Variants in MRTFA observed in about 807,000 individuals in gnomAD.
MRTFA encodes myocardin-related transcription factor A.
MRTFA carries 20 observed loss-of-function variants against 83.5 expected under a neutral mutation model. The observed-to-expected ratio is 0.24, with a 90% CI of 0.17 to 0.35. The LOEUF is 0.35. MRTFA is among the 10% of genes least tolerant of loss of function. The pLI, the probability that MRTFA is intolerant of heterozygous loss-of-function variation, is 1.00. For missense variants in MRTFA, 1,200 were observed against 1,224.7 expected, an observed-to-expected ratio of 0.98 and a Z score of 0.30; for synonymous variants, 659 against 541.2, an observed-to-expected ratio of 1.22 and a Z score of -3.02.
At chr22:40,579,838 C>A in intron 2 of MRTFA, among the ~76,000 whole-genome samples, 1 of 140,364 alleles carries the variant, frequency 7.1e-6, no homozygotes. Flanking sequence ...CCAGCCTGGG[C>A]AACAAGAGCG....
Position 40,410,729 on chromosome 22 carries a change from C to CCCTT in MRTFA, c.*657_*660dup. On this transcript the variant is annotated 3_prime_UTR_variant, in exon 15 of 15. Transcript: ENST00000355630. ...GCTCAAGGGTAACCTTGCATCCAGG[C>CCCTT]CCTTCTGTGAGAGTAGGATGGGAGG... 1 of 233,290 alleles carries CCCTT rather than the reference C, an allele frequency of 4.3e-6. No individual in the cohort carries two copies. The highest frequency in any genetic ancestry group is 8.5e-6 in the Non-Finnish European group (1 of 117,986). 14.5% of individuals were successfully genotyped at this position (233,290 alleles called of 1,614,324 possible).
At chr22:40,555,221 A>C (rs950987077) in intron 2 of MRTFA, among the ~76,000 whole-genome samples, 1 of 152,232 alleles carries the variant, frequency 6.6e-6, no homozygotes, top group Non-Finnish European at 1.5e-5. Flanking sequence ...AAATGTAAGA[A>C]GGACATGAGA....
intron 3 of MRTFA, among the ~76,000 whole-genome samples, chr22:40,492,265 C>T (rs887582966): frequency 6.6e-6 from 1 of 152,174 alleles, no homozygotes; most frequent in African/African-American, 2.4e-5. Context: ...TTCTACAGTG[C>T]AAAGGGTTGC....
intron 1 of MRTFA, among the ~76,000 whole-genome samples, chr22:40,619,763 GC>G (rs1305105167): frequency 1.3e-5 from 2 of 151,560 alleles, no homozygotes; most frequent in Admixed American, 6.6e-5. Flanking sequence ...GGTGGCAGGA[GC>G]CTGTAGTCCC....
chr22:40,600,813 T>A (rs1480898295), intron 1 of MRTFA, among the ~76,000 whole-genome samples: 1 of 151,938 alleles, frequency 6.6e-6, no homozygotes, highest in East Asian at 1.9e-4. Flanking sequence ...CCCCGTCTCT[T>A]CTAAAGATAC....
intron 4 of MRTFA, among the ~76,000 whole-genome samples, chr22:40,452,760 T>C (rs923954733): frequency 6.9e-5 from 10 of 144,870 alleles, no homozygotes; most frequent in Non-Finnish European, 1.5e-4. Context: ...GAGCCAAGAT[T>C]GCCCCACTGC....
intron 1 of MRTFA, among the ~76,000 whole-genome samples, chr22:40,627,721 G>A (rs958885527): frequency 7.2e-5 from 11 of 152,154 alleles, no homozygotes; most frequent in South Asian, 2.1e-4. Flanking sequence ...CAGGCACAGC[G>A]GCTCATGCCT....
intron 4 of MRTFA, among the ~76,000 whole-genome samples, chr22:40,447,185 G>A (rs946567396): frequency 1.3e-4 from 20 of 151,818 alleles, no homozygotes; most frequent in Admixed American, 8.5e-4. Context: ...GTGAAACTCC[G>A]TCTCTATGAA....
At chr22:40,550,897 G>C (rs964794908) in intron 3 of MRTFA, among the ~76,000 whole-genome samples, 1 of 148,442 alleles carries the variant, frequency 6.7e-6, no homozygotes, top group Non-Finnish European at 1.5e-5. Context: ...TGTTGCCCAG[G>C]CTGGAGTGCA....
intron 1 of MRTFA, among the ~76,000 whole-genome samples, chr22:40,622,110 A>G (rs910924162): frequency 5.3e-5 from 8 of 152,198 alleles, no homozygotes; most frequent in Admixed American, 1.3e-4. Flanking sequence ...AAAGATATCC[A>G]TAGCCTAATA....
At chr22:40,429,140 G>A (rs2053016115) in intron 7 of MRTFA, among the ~76,000 whole-genome samples, 1 of 152,312 alleles carries the variant, frequency 6.6e-6, no homozygotes, top group Middle Eastern at 3.4e-3. Context: ...GCCCTGTGGG[G>A]CTGTGGCCTT....
chr22:40,478,634 G>C (rs2054037957), intron 3 of MRTFA, among the ~76,000 whole-genome samples: 1 of 152,114 alleles, frequency 6.6e-6, no homozygotes, highest in African/African-American at 2.4e-5. Context: ...CTTGGCGTGA[G>C]ACGACGAATC....
intron 4 of MRTFA, among the ~76,000 whole-genome samples, chr22:40,449,070 C>T (rs772794246): frequency 6.6e-6 from 1 of 152,086 alleles, no homozygotes; most frequent in Non-Finnish European, 1.5e-5. Context: ...TTGAGACCAT[C>T]CCGGCTAAAA....
intron 4 of MRTFA, among the ~76,000 whole-genome samples, chr22:40,445,062 G>T (rs1205197135): frequency 6.6e-6 from 1 of 152,140 alleles, no homozygotes; most frequent in African/African-American, 2.4e-5. Context: ...ATAAGAGCCT[G>T]TCTCAAATAA....
At chr22:40,633,714 G>A (rs897941787) in intron 1 of MRTFA, among the ~76,000 whole-genome samples, 1 of 151,776 alleles carries the variant, frequency 6.6e-6, no homozygotes, top group African/African-American at 2.4e-5. Flanking sequence ...CATATATAAA[G>A]CTTATAAAGA....
At chr22:40,509,689 T>G (rs2054635686) in intron 3 of MRTFA, among the ~76,000 whole-genome samples, 1 of 152,184 alleles carries the variant, frequency 6.6e-6, no homozygotes, top group Admixed American at 6.5e-5. Context: ...TCCAGAAAAC[T>G]CTTCAAATAC....
intron 3 of MRTFA, among the ~76,000 whole-genome samples, chr22:40,495,758 A>G (rs889711435): frequency 1.9e-5 from 2 of 107,916 alleles, no homozygotes; most frequent in African/African-American, 6.7e-5. Flanking sequence ...ACTCCATCTC[A>G]AAAAAAAAAA....
intron 2 of MRTFA, among the ~76,000 whole-genome samples, chr22:40,582,262 T>C (rs1297804401): frequency 6.6e-6 from 1 of 152,238 alleles, no homozygotes; most frequent in Non-Finnish European, 1.5e-5. Context: ...TTCCTTTTCA[T>C]TGCCAAATAA....
chr22:40,593,831 G>A (rs2056154193), intron 2 of MRTFA, among the ~76,000 whole-genome samples: 2 of 152,158 alleles, frequency 1.3e-5, no homozygotes, highest in African/African-American at 2.4e-5. Context: ...ATTCCTGGTT[G>A]GGGAGTTCCG....
Sources: gnomAD v4.1 joint callset for allele counts (sites outside exome capture counted in the v4.1 genomes callset) on GRCh38, gnomAD v4.1.1 for gene constraint, MANE v1.5 for transcripts, NCBI Gene and HGNC (gene_info 2026-07-23, HGNC 2026-07-21) for gene names.